SNTB1: variants seen among roughly 807,000 people sequenced by gnomAD.
The protein encoded by SNTB1 is syntrophin beta 1, also known as beta-1-syntrophin.
In SNTB1, 36 loss-of-function variants were observed where a neutral mutation model predicts 48.9. The observed-to-expected ratio is 0.74, with a 90% CI of 0.56 to 0.97. The LOEUF is 0.97. Ranked by LOEUF, SNTB1 falls within the 50% of genes least tolerant of loss-of-function variation. The pLI, the probability that SNTB1 is intolerant of heterozygous loss-of-function variation, is 0.00. For missense variants in SNTB1, 786 were observed against 703.4 expected (o/e 1.12, Z -1.33); for synonymous variants, 299 against 294.6 (o/e 1.01, Z -0.15).
intron 1 of SNTB1, among the ~76,000 whole-genome samples, chr8:120,777,872 CA>C: frequency 6.6e-6 from 1 of 152,194 alleles, no homozygotes; most frequent in Non-Finnish European, 1.5e-5. Context: ...GAGTATCCCC[CA>C]AAGCACTGTT....
chr8:120,575,323 G>A, intron 3 of SNTB1, 98 bp from the exon 4 acceptor site: 1 of 1,391,422 alleles, frequency 7.2e-7, no homozygotes, highest in East Asian at 2.3e-5. Context: ...GCAATACATT[G>A]AGTGTCTTTT....
chr8:120,581,496 C>A lies in SNTB1; in HGVS notation c.997-6271G>T, dbSNP rs142914581. The stretch of plus-strand genomic sequence containing the variant: ...GTGCACACCTGTAGTCCCAGCTACT[C>A]GGGAGGCTGAGGCATGAGAATCGCT... On this transcript the variant is annotated intron_variant, in intron 3 of 6. Transcript: ENST00000517992. Among the ~76,000 whole-genome samples the A allele has an allele frequency of 3.1e-3, 476 of 151,966 alleles. 7 individuals are homozygous for A. The highest frequency in any genetic ancestry group is 0.022 in the East Asian group (111 of 5,098).
intron 3 of SNTB1, among the ~76,000 whole-genome samples, chr8:120,606,376 TATAAA>T (rs1816518957): frequency 6.9e-6 from 1 of 144,104 alleles, no homozygotes; most frequent in Non-Finnish European, 1.5e-5. Flanking sequence ...TTTATGTCAG[TATAAA>T]ATACTATGTC....
intron 3 of SNTB1, among the ~76,000 whole-genome samples, chr8:120,625,292 T>C (rs150207521): frequency 6.6e-6 from 1 of 152,338 alleles, no homozygotes; most frequent in East Asian, 1.9e-4. Flanking sequence ...TCAAGTTCTA[T>C]GGTTCTCTCC....
chr8:120,681,076 A>G (rs1817922693), intron 2 of SNTB1, among the ~76,000 whole-genome samples: 1 of 152,208 alleles, frequency 6.6e-6, no homozygotes, highest in Non-Finnish European at 1.5e-5. Context: ...CTGATTAAAA[A>G]TGTATGATAA....
intron 1 of SNTB1, among the ~76,000 whole-genome samples, chr8:120,746,920 A>G (rs966395199): frequency 9.9e-5 from 15 of 152,252 alleles, no homozygotes; most frequent in African/African-American, 3.6e-4. Flanking sequence ...GTATTGAACA[A>G]GGATTCAGTC....
intron 2 of SNTB1, among the ~76,000 whole-genome samples, chr8:120,678,562 A>C (rs4387018): frequency 7.2e-5 from 11 of 152,120 alleles, no homozygotes; most frequent in Non-Finnish European, 8.8e-5. Context: ...CAGTGGCTAA[A>C]AGAAATCTTT....
intron 3 of SNTB1, among the ~76,000 whole-genome samples, chr8:120,617,648 G>A (rs1470771029): frequency 2.6e-5 from 4 of 152,204 alleles, no homozygotes; most frequent in African/African-American, 4.8e-5. Context: ...CATTTTGGAT[G>A]AGGTGTTTTG....
chr8:120,646,897 A>G (rs1185693109), intron 2 of SNTB1, among the ~76,000 whole-genome samples: 2 of 151,300 alleles, frequency 1.3e-5, no homozygotes, highest in South Asian at 2.1e-4. Flanking sequence ...GTCTTGGGAG[A>G]GTGTATGTGT....
At chr8:120,790,468 T>C (rs556300504) in intron 1 of SNTB1, among the ~76,000 whole-genome samples, 12 of 151,988 alleles carry the variant, frequency 7.9e-5, no homozygotes, top group Middle Eastern at 3.4e-3. Context: ...AATGACATAA[T>C]CTTATAAGTA....
chr8:120,739,105 A>T (rs1446373929), intron 1 of SNTB1, among the ~76,000 whole-genome samples: 2 of 152,226 alleles, frequency 1.3e-5, no homozygotes, highest in African/African-American at 4.8e-5. Context: ...AAATGTATCC[A>T]GGCAAATGTT....
intron 4 of SNTB1, among the ~76,000 whole-genome samples, chr8:120,569,490 A>G (rs752151068): frequency 6.6e-6 from 1 of 151,864 alleles, no homozygotes; most frequent in Non-Finnish European, 1.5e-5. Context: ...CTGCACATCC[A>G]TCTCTCCTTC....
At chr8:120,762,365 G>A (rs1228076186) in intron 1 of SNTB1, among the ~76,000 whole-genome samples, 1 of 152,090 alleles carries the variant, frequency 6.6e-6, no homozygotes, top group African/African-American at 2.4e-5. Context: ...CAGGCAAAAT[G>A]TTTACCAGGA....
intron 2 of SNTB1, among the ~76,000 whole-genome samples, chr8:120,635,001 G>A (rs1034159459): frequency 1.1e-4 from 16 of 152,098 alleles, no homozygotes; most frequent in African/African-American, 2.7e-4. Context: ...ACAGGCACCC[G>A]CCACCGCACC....
intron 2 of SNTB1, among the ~76,000 whole-genome samples, chr8:120,685,055 C>A (rs1188250985): frequency 1.3e-5 from 2 of 152,248 alleles, no homozygotes; most frequent in Non-Finnish European, 2.9e-5. Flanking sequence ...CTCCAGGTAG[C>A]CCTGCTCTTC....
chr8:120,783,914 A>G (rs1160138569), intron 1 of SNTB1, among the ~76,000 whole-genome samples: 1 of 152,218 alleles, frequency 6.6e-6, no homozygotes, highest in Non-Finnish European at 1.5e-5. Context: ...TGTACTAGGT[A>G]TTATAAGTAA....
intron 1 of SNTB1, among the ~76,000 whole-genome samples, chr8:120,797,776 C>T (rs149251587): frequency 2.5e-3 from 384 of 151,990 alleles, no homozygotes; most frequent in African/African-American, 8.5e-3. Context: ...TCTGTATTAA[C>T]TCTTAATCGT....
intron 4 of SNTB1, among the ~76,000 whole-genome samples, chr8:120,554,304 C>T (rs1297345398): frequency 1.3e-5 from 2 of 152,144 alleles, no homozygotes; most frequent in Admixed American, 1.3e-4. Flanking sequence ...CCCTGAGCTG[C>T]TGGGACAGGC....
intron 1 of SNTB1, among the ~76,000 whole-genome samples, chr8:120,771,619 C>T (rs1819635543): frequency 6.6e-6 from 1 of 151,930 alleles, no homozygotes; most frequent in Admixed American, 6.6e-5. Flanking sequence ...AAAATCACTT[C>T]AGCTCGAGGG....
Sources: allele counts gnomAD v4.1 joint callset (sites outside exome capture counted in the v4.1 genomes callset), GRCh38; gene constraint gnomAD v4.1.1; transcripts MANE v1.5; gene names NCBI Gene and HGNC (gene_info 2026-07-23, HGNC 2026-07-21).